The following PPM1E variants were observed in gnomAD, a reference collection of about 807,000 sequenced individuals.
The protein encoded by PPM1E is protein phosphatase 1E.
PPM1E carries 20 observed loss-of-function variants against 65.9 expected under a neutral mutation model. The observed-to-expected ratio is 0.30, with a 90% CI of 0.21 to 0.44. PPM1E has a LOEUF of 0.44. Among genes scored for constraint, PPM1E ranks in the 20% least tolerant of loss-of-function variants. The pLI, the probability that PPM1E is intolerant of heterozygous loss-of-function variation, is 1.00. For missense variants in PPM1E, 713 were observed against 953.1 expected (o/e 0.75, Z 3.32); for synonymous variants, 352 against 374.9 (o/e 0.94, Z 0.70).
chr17:58,965,636 G>A, intron 2 of PPM1E, 58 bp from the exon 3 acceptor site: 1 of 1,534,908 alleles, frequency 6.5e-7, no homozygotes, highest in Non-Finnish European at 9.0e-7. Flanking sequence ...ACCAAGCAGA[G>A]AAGTGAAAAG....
intron 2 of PPM1E, among the ~76,000 whole-genome samples, chr17:58,959,667 T>TAA (rs76110788): frequency 8.7e-6 from 1 of 115,222 alleles, no homozygotes; most frequent in African/African-American, 3.2e-5. Flanking sequence ...GCACCCAGCC[T>TAA]AAAAAAAAAA....
At chr17:58,800,437 G>C (rs1045886857) in intron 1 of PPM1E, among the ~76,000 whole-genome samples, 3 of 151,684 alleles carry the variant, frequency 2.0e-5, no homozygotes, top group African/African-American at 7.3e-5. Context: ...TTGGTATTGG[G>C]TTATTTTGGC....
intron 1 of PPM1E, among the ~76,000 whole-genome samples, chr17:58,883,809 A>G (rs2051234642): frequency 6.6e-6 from 1 of 152,158 alleles, no homozygotes; most frequent in South Asian, 2.1e-4. Context: ...AAATAAGAAT[A>G]GGTGAATAAA....
chr17:58,971,773 AG>A (rs1180844900), intron 4 of PPM1E, among the ~76,000 whole-genome samples: 1 of 152,238 alleles, frequency 6.6e-6, no homozygotes, highest in African/African-American at 2.4e-5. Flanking sequence ...ATTGGTATAG[AG>A]GATTTAGTGC....
At chr17:58,952,742 C>T (rs2052256914) in intron 1 of PPM1E, among the ~76,000 whole-genome samples, 1 of 152,120 alleles carries the variant, frequency 6.6e-6, no homozygotes, top group African/African-American at 2.4e-5. Context: ...GGCATGATCT[C>T]AGCTCACTGC....
chr17:58,778,001 C>T (rs1265404315), intron 1 of PPM1E, among the ~76,000 whole-genome samples: 1 of 152,150 alleles, frequency 6.6e-6, no homozygotes, highest in African/African-American at 2.4e-5. Flanking sequence ...ATGATCATGG[C>T]TCACTGCAGC....
chr17:58,902,615 G>A (rs1258291999), intron 1 of PPM1E, among the ~76,000 whole-genome samples: 1 of 152,040 alleles, frequency 6.6e-6, no homozygotes, highest in African/African-American at 2.4e-5. Context: ...TGTTTTGTTT[G>A]CAGTTCCTAA....
chr17:58,955,752 A>G lies in PPM1E; in HGVS notation c.568A>G (p.Thr190Ala), dbSNP rs1206518736. The change falls in exon 2 of 7, where the codon ACA (threonine) becomes GCA (alanine). Residue 190 changes from threonine to alanine, a missense_variant. By Grantham distance (58) the Thr-to-Ala change is moderately conservative. Coordinates refer to ENST00000308249, the MANE Select transcript of PPM1E (RefSeq NM_014906.5). The part of the protein sequence containing the change: ...AHYIPKETDG[T>A]EGTVEIETVK... ...TTATATCCCAAAGGAAACGGATGGC[A>G]CAGAAGGGACTGTGGGTGAGTACCT... 2 of 1,605,810 alleles carry G rather than the reference A, an allele frequency of 1.2e-6. No individual in the cohort carries two copies. The highest frequency in any genetic ancestry group is 1.7e-6 in the Non-Finnish European group (2 of 1,177,994).
At chr17:58,935,490 A>G (rs1035603036) in intron 1 of PPM1E, among the ~76,000 whole-genome samples, 2 of 152,146 alleles carry the variant, frequency 1.3e-5, no homozygotes, top group African/African-American at 4.8e-5. Context: ...AATGAAGTGG[A>G]CCTGAGAATA....
chr17:58,756,428 G>T lies in PPM1E; in HGVS notation c.431G>T (p.Ser144Ile), dbSNP rs1474670767. 8.2e-6 allele frequency: 11 copies of T among 1,338,100 alleles called. No homozygotes were observed. The highest frequency in any genetic ancestry group is 1.1e-5 in the Non-Finnish European group (11 of 1,046,506). 82.9% of individuals were successfully genotyped at this position (1,338,100 alleles called of 1,614,324 possible). A position where few individuals can be genotyped will look rare whatever the true frequency, so the allele number is the denominator to read the frequency against. ...RITREEVEGESLDLCLQQLYK... is the reference protein window; with the variant it reads ...RITREEVEGEILDLCLQQLYK... ...ACCCGCGAGGAGGTGGAGGGCGAAA[G>T]CCTGGACCTGTGCCTGCAGCAGCTC... Residue 144 changes from serine (S) to isoleucine (I), a missense_variant, in exon 1 of 7, where the codon AGC (serine) becomes ATC (isoleucine). By Grantham distance (142) the Ser-to-Ile change is moderately radical (BLOSUM62 -2). Transcript: ENST00000308249.
chr17:58,950,230 C>T (rs556758799), intron 1 of PPM1E, among the ~76,000 whole-genome samples: 4 of 152,122 alleles, frequency 2.6e-5, no homozygotes, highest in East Asian at 1.9e-4. Flanking sequence ...GGCATGATGG[C>T]GGGTGCCTGT....
intron 1 of PPM1E, among the ~76,000 whole-genome samples, chr17:58,788,210 C>T (rs1255208898): frequency 6.6e-6 from 1 of 151,930 alleles, no homozygotes; most frequent in East Asian, 1.9e-4. Flanking sequence ...GGCACCACAC[C>T]CAGCTAATTT....
chr17:58,964,351 G>A (rs1005701109), intron 2 of PPM1E, among the ~76,000 whole-genome samples: 2 of 152,144 alleles, frequency 1.3e-5, no homozygotes, highest in African/African-American at 4.8e-5. Context: ...TAAGTGGAGG[G>A]CAACTTGAGT....
At chr17:58,928,612 A>G (rs1219620629) in intron 1 of PPM1E, among the ~76,000 whole-genome samples, 1 of 152,072 alleles carries the variant, frequency 6.6e-6, no homozygotes, top group Non-Finnish European at 1.5e-5. Flanking sequence ...AAAACTAAAC[A>G]TGTACCTTCC....
chr17:58,856,863 T>C (rs547743475), intron 1 of PPM1E, among the ~76,000 whole-genome samples: 1 of 152,348 alleles, frequency 6.6e-6, no homozygotes, highest in Admixed American at 6.5e-5. Context: ...TACTTTGTTA[T>C]TGCAGCCCTA....
chr17:58,867,450 A>G (rs566560365), intron 1 of PPM1E, among the ~76,000 whole-genome samples: 2 of 152,208 alleles, frequency 1.3e-5, no homozygotes, highest in Non-Finnish European at 2.9e-5. Flanking sequence ...TGTACAAGGA[A>G]TAATCAAGCC....
chr17:58,882,549 C>T (rs149197511), intron 1 of PPM1E, among the ~76,000 whole-genome samples: 1,747 of 152,136 alleles, frequency 0.011, 15 homozygotes, highest in Middle Eastern at 0.041. Flanking sequence ...TGCCACCACG[C>T]CTGGCTAATT....
chr17:58,868,438 C>A (rs1014072881), intron 1 of PPM1E, among the ~76,000 whole-genome samples: 1 of 152,020 alleles, frequency 6.6e-6, no homozygotes, highest in Non-Finnish European at 1.5e-5. Context: ...TCAGTTACTC[C>A]TAAGGTATTA....
At chr17:58,828,856 CTT>C in intron 1 of PPM1E, among the ~76,000 whole-genome samples, 1 of 152,186 alleles carries the variant, frequency 6.6e-6, no homozygotes, top group East Asian at 1.9e-4. Context: ...GACAGTAACT[CTT>C]TGTTTTTTAT....
Sources: allele counts gnomAD v4.1 joint callset (sites outside exome capture counted in the v4.1 genomes callset), GRCh38; gene constraint gnomAD v4.1.1; transcripts MANE v1.5; gene names NCBI Gene and HGNC (gene_info 2026-07-23, HGNC 2026-07-21).